DLG2: variants seen among roughly 807,000 people sequenced by gnomAD.
DLG2 encodes the protein discs large MAGUK scaffold protein 2, also known as disks large homolog 2.
A neutral mutation model predicts 132.5 loss-of-function variants in DLG2; 45 were observed. The ratio of observed to expected loss-of-function variants is 0.34; its 90% CI spans 0.27 to 0.44. The LOEUF (loss-of-function observed/expected upper bound fraction) is 0.44. DLG2 is among the 20% of genes least tolerant of loss of function. The pLI, the probability that DLG2 is intolerant of heterozygous loss-of-function variation, is 1.00. For synonymous variants in DLG2, 424 were observed against 419.6 expected (o/e 1.01, Z -0.13); for missense variants, 1,045 against 1,196.9 (o/e 0.87, Z 1.87).
rs1003614674 is a variant in DLG2 at position 84,193,675 on chromosome 11, G to A, written c.574-30164C>T. On this transcript the variant is annotated intron_variant, in intron 8 of 27. Transcript: ENST00000376104. ...CACAGTTTGTTCTGGGTCCTATGCT[G>A]TACAGGGAATAGCCTACAGTCTGGT... 2.0e-5 allele frequency among the ~76,000 whole-genome samples: 3 copies of A among 152,278 alleles called. No individual in the cohort carries two copies. In the East Asian group the frequency reaches 5.8e-4, roughly 29 times the overall value.
chr11:84,375,744 T>C (rs567912295), intron 7 of DLG2, among the ~76,000 whole-genome samples: 19 of 152,122 alleles, frequency 1.2e-4, no homozygotes, highest in African/African-American at 4.3e-4. Flanking sequence ...CCTTGCTACC[T>C]AAAACAACAT....
chr11:84,786,804 A>C (rs2072972482), intron 6 of DLG2, among the ~76,000 whole-genome samples: 1 of 152,174 alleles, frequency 6.6e-6, no homozygotes, highest in South Asian at 2.1e-4. Flanking sequence ...ACTGGCAGTA[A>C]AAATCGCTCT....
At chr11:85,569,358 A>G (rs1207712435) in intron 3 of DLG2, among the ~76,000 whole-genome samples, 2 of 152,134 alleles carry the variant, frequency 1.3e-5, no homozygotes, top group African/African-American at 4.8e-5. Context: ...AAGTATTTAT[A>G]GCTAAATGTT....
At chr11:84,375,986 T>C (rs372284779) in intron 7 of DLG2, among the ~76,000 whole-genome samples, 1 of 152,016 alleles carries the variant, frequency 6.6e-6, no homozygotes, top group East Asian at 1.9e-4. Flanking sequence ...GCCTCTTAAA[T>C]AAGCTTATTG....
intron 3 of DLG2, among the ~76,000 whole-genome samples, chr11:85,461,273 A>C (rs1451937514): frequency 6.6e-6 from 1 of 152,182 alleles, no homozygotes; most frequent in Non-Finnish European, 1.5e-5. Flanking sequence ...TTTATTATAT[A>C]CTCCATTTGA....
intron 7 of DLG2, among the ~76,000 whole-genome samples, chr11:84,273,980 T>C (rs1362819226): frequency 6.6e-6 from 1 of 152,190 alleles, no homozygotes; most frequent in African/African-American, 2.4e-5. Context: ...AAAGTCACTT[T>C]TATTCCTTAT....
rs144787439 is a variant in DLG2 at position 84,234,875 on chromosome 11, C to G, written c.573+16363G>C. On this transcript the variant is annotated intron_variant, in intron 8 of 27. Transcript: ENST00000376104. ...CAAAGTTTTCTCTTATGGGGAAAAT[C>G]TACATTCTGTAGAAAATCCCCTCCC... Among the ~76,000 whole-genome samples, 17 of 152,338 alleles carry G rather than the reference C, an allele frequency of 1.1e-4. No homozygotes were observed. The East Asian group carries it at 2.7e-3, about 24-fold the overall frequency.
intron 22 of DLG2, chr11:83,480,505 T>C (rs1045827468): frequency 1.3e-5 from 20 of 1,497,272 alleles, no homozygotes; most frequent in Non-Finnish European, 1.7e-5. Flanking sequence ...CTACCAGAAA[T>C]GTGAGCGAAA....
chr11:85,144,665 TAACTGATTTCAGA>T (rs1247816316), intron 5 of DLG2, among the ~76,000 whole-genome samples: 2 of 151,960 alleles, frequency 1.3e-5, no homozygotes, highest in African/African-American at 4.8e-5. Flanking sequence ...AATGACAACC[TAACTGATTTCAGA>T]AACAATGCAC....
At chr11:83,920,499 G>C (rs890821723) in intron 15 of DLG2, among the ~76,000 whole-genome samples, 92 of 152,002 alleles carry the variant, frequency 6.1e-4, no homozygotes, top group African/African-American at 2.2e-3. Context: ...CAATTCACTG[G>C]ACTCACTATT....
intron 10 of DLG2, among the ~76,000 whole-genome samples, chr11:84,087,103 T>C (rs995154750): frequency 2.0e-5 from 3 of 152,238 alleles, no homozygotes; most frequent in African/African-American, 4.8e-5. Flanking sequence ...TTATGCATAA[T>C]GGTGCTATGA....
chr11:85,265,196 G>A (rs1190507285), intron 4 of DLG2, among the ~76,000 whole-genome samples: 1 of 152,032 alleles, frequency 6.6e-6, no homozygotes, highest in Non-Finnish European at 1.5e-5. Flanking sequence ...ACATCATATT[G>A]TAGTACAGAC....
At chr11:85,397,889 G>C (rs764534957) in intron 3 of DLG2, among the ~76,000 whole-genome samples, 3 of 152,098 alleles carry the variant, frequency 2.0e-5, no homozygotes, top group African/African-American at 4.8e-5. Context: ...GGTTAACAAG[G>C]ATATCCAGGG....
intron 10 of DLG2, among the ~76,000 whole-genome samples, chr11:84,080,117 C>T (rs2096882710): frequency 6.6e-6 from 1 of 151,522 alleles, no homozygotes; most frequent in Non-Finnish European, 1.5e-5. Flanking sequence ...TCCTGATTTT[C>T]TTGTTCCCTT....
intron 6 of DLG2, among the ~76,000 whole-genome samples, chr11:85,015,528 C>T (rs1256927250): frequency 1.3e-5 from 2 of 151,824 alleles, no homozygotes; most frequent in Non-Finnish European, 2.9e-5. Flanking sequence ...TCCTTCATAA[C>T]TGAGTGCATT....
chr11:84,864,062 G>A (rs186731697), intron 6 of DLG2, among the ~76,000 whole-genome samples: 37 of 152,284 alleles, frequency 2.4e-4, no homozygotes, highest in Non-Finnish European at 4.3e-4. Context: ...CAAGACAGTG[G>A]AGAGGAATAT....
chr11:85,059,660 A>G (rs943032006), intron 6 of DLG2, among the ~76,000 whole-genome samples: 3 of 151,690 alleles, frequency 2.0e-5, no homozygotes, highest in Non-Finnish European at 3.0e-5. Flanking sequence ...TGAAATAAGC[A>G]AGGGGAAAAA....
At chr11:83,886,912 C>T (rs2068068634) in intron 15 of DLG2, among the ~76,000 whole-genome samples, 2 of 151,824 alleles carry the variant, frequency 1.3e-5, no homozygotes, top group Admixed American at 6.6e-5. Context: ...ACAACAAAGA[C>T]ACAACATACC....
At chr11:84,732,925 A>G (rs1300061382) in intron 6 of DLG2, among the ~76,000 whole-genome samples, 2 of 152,024 alleles carry the variant, frequency 1.3e-5, no homozygotes, top group Non-Finnish European at 2.9e-5. Context: ...TTTGCTGAGA[A>G]TGATGGTTTC....
Sources: gnomAD v4.1 joint callset for allele counts (sites outside exome capture counted in the v4.1 genomes callset) on GRCh38, gnomAD v4.1.1 for gene constraint, MANE v1.5 for transcripts, NCBI Gene and HGNC (gene_info 2026-07-23, HGNC 2026-07-21) for gene names.